DPY19L3: variants seen among roughly 807,000 people sequenced by gnomAD.
DPY19L3 encodes protein C-mannosyl-transferase DPY19L3.
A neutral mutation model predicts 92.3 loss-of-function variants in DPY19L3; 51 were observed. The ratio of observed to expected loss-of-function variants is 0.55; its 90% CI spans 0.44 to 0.70. The LOEUF (loss-of-function observed/expected upper bound fraction) is 0.70. DPY19L3 is among the 30% of genes least tolerant of loss of function. DPY19L3 has a pLI of 0.00. For missense variants in DPY19L3, 706 were observed against 855.9 expected (o/e 0.82, Z 2.18); for synonymous variants, 309 against 315.2 (o/e 0.98, Z 0.21).
At chr19:32,454,602 T>C (rs1218520226) in intron 9 of DPY19L3, among the ~76,000 whole-genome samples, 1 of 151,992 alleles carries the variant, frequency 6.6e-6, no homozygotes, top group Non-Finnish European at 1.5e-5. Context: ...GAAAAAGATG[T>C]AACAGTTTGT....
chr19:32,411,242 G>A lies in DPY19L3; in HGVS notation c.107G>A (p.Cys36Tyr). Residue 36 changes from cysteine to tyrosine, a missense_variant, in exon 3 of 19, where the codon TGT becomes TAT. Transcript: ENST00000392250. ...ATCTGTTCCATTTTTCCAAAAGGTT[G>A]TACCAGTAGAAGATTATGGAAGATT... ...VKLENKLPSG[C>Y]TSRRLWKILS... 6.2e-7 allele frequency: 1 copy of A among 1,608,984 alleles called. No individual in the cohort carries two copies. Among genetic ancestry groups the A allele is most frequent in the Non-Finnish European group, 8.5e-7 (1 of 1,179,140 alleles).
intron 6 of DPY19L3, 132 bp from the exon 7 acceptor site, chr19:32,438,962 GATGATGATGATAAGGACA>G: frequency 1.3e-6 from 1 of 767,574 alleles, no homozygotes; most frequent in Non-Finnish European, 2.1e-6. Flanking sequence ...TGATGATGAT[GATGATGATGATAAGGACA>G]ATTATTGAGA....
intron 8 of DPY19L3, among the ~76,000 whole-genome samples, chr19:32,448,994 T>C (rs1969608841): frequency 2.0e-5 from 3 of 152,114 alleles, no homozygotes. Context: ...ATACTCTCAC[T>C]TGATATAAAA....
chr19:32,406,625 T>TA (rs1019108206), intron 1 of DPY19L3, among the ~76,000 whole-genome samples: 12 of 152,174 alleles, frequency 7.9e-5, no homozygotes, highest in African/African-American at 2.9e-4. Flanking sequence ...GCGCTGGGAT[T>TA]ACATGAGCCG....
intron 16 of DPY19L3, among the ~76,000 whole-genome samples, chr19:32,476,753 A>G (rs1045504697): frequency 1.3e-5 from 2 of 152,256 alleles, no homozygotes; most frequent in African/African-American, 2.4e-5. Flanking sequence ...CTTAAACTGC[A>G]TATAGTTTCT....
At chr19:32,408,519 T>C (rs1213319320) in intron 2 of DPY19L3, among the ~76,000 whole-genome samples, 163 bp downstream of exon 2, 1 of 152,232 alleles carries the variant, frequency 6.6e-6, no homozygotes, top group African/African-American at 2.4e-5. Flanking sequence ...TTTACAGTTA[T>C]GATTTGACAA....
At chr19:32,434,325 T>C (rs1313533882) in intron 4 of DPY19L3, among the ~76,000 whole-genome samples, 1 of 152,148 alleles carries the variant, frequency 6.6e-6, no homozygotes, top group Admixed American at 6.5e-5. Context: ...TTTTATGCCA[T>C]GTCCTTTGCA....
At chr19:32,445,098 A>C (rs1969446788) in intron 8 of DPY19L3, among the ~76,000 whole-genome samples, 1 of 151,248 alleles carries the variant, frequency 6.6e-6, no homozygotes, top group Non-Finnish European at 1.5e-5. Flanking sequence ...AAAAACAAAA[A>C]ACAATGGAGG....
Position 32,478,617 on chromosome 19 carries a change from G to A in DPY19L3, c.1830+963G>A, listed in dbSNP as rs182908983. Among the ~76,000 whole-genome samples the A allele has an allele frequency of 2.0e-4, 31 of 152,230 alleles. No homozygotes were observed. In the East Asian group the frequency reaches 3.5e-3, roughly 17 times the overall value. On this transcript the variant is annotated intron_variant, in intron 17 of 18. Transcript: ENST00000392250. ...GTATTTCACGCATATACAAATATGC[G>A]GGGAGGGTGGTGCCCCTTTCTCCAT...
At chr19:32,481,820 C>T in intron 18 of DPY19L3, 2 of 424,666 alleles carry the variant, frequency 4.7e-6, no homozygotes, top group East Asian at 8.1e-5. Context: ...TGAGAGCAAG[C>T]AGACCTGAGT....
At chr19:32,430,865 C>T (rs1293923878) in intron 3 of DPY19L3, among the ~76,000 whole-genome samples, 1 of 150,134 alleles carries the variant, frequency 6.7e-6, no homozygotes, top group Non-Finnish European at 1.5e-5. Flanking sequence ...TGAGCTCAAG[C>T]AATCCACCCA....
At chr19:32,430,158 G>A (rs1378820495) in intron 3 of DPY19L3, among the ~76,000 whole-genome samples, 1 of 152,194 alleles carries the variant, frequency 6.6e-6, no homozygotes, top group African/African-American at 2.4e-5. Context: ...GGAGGCCACG[G>A]CAGGAGGATC....
At chr19:32,457,863 A>G (rs1403740141) in intron 10 of DPY19L3, among the ~76,000 whole-genome samples, 1 of 152,224 alleles carries the variant, frequency 6.6e-6, no homozygotes, top group Non-Finnish European at 1.5e-5. Flanking sequence ...TAACTTATGT[A>G]TAAGATGTTT....
Position 32,437,122 on chromosome 19 carries a change from G to C in DPY19L3, c.451-72G>C. The stretch of plus-strand genomic sequence containing the variant: ...AGCTCCTGCATATTGTATTCCTACT[G>C]TCATGTTTTAAATGGCACTGAGGAG... On this transcript the variant is annotated intron_variant, in intron 5 of 18. Transcript: ENST00000392250. 3.2e-6 allele frequency: 5 copies of C among 1,575,902 alleles called. No homozygotes were observed. The South Asian group carries it at 4.6e-5, about 14-fold the overall frequency.
chr19:32,447,307 C>T (rs77848780), intron 8 of DPY19L3, among the ~76,000 whole-genome samples: 2,030 of 152,228 alleles, frequency 0.013, 55 homozygotes, highest in African/African-American at 0.046. Context: ...AGTCTGAAAT[C>T]GGTCATCCAA....
At chr19:32,435,978 G>T (rs1409719331) in intron 4 of DPY19L3, among the ~76,000 whole-genome samples, 3 of 152,242 alleles carry the variant, frequency 2.0e-5, no homozygotes, top group Non-Finnish European at 2.9e-5. Context: ...GCAAGAGCTG[G>T]TAGAAACATG....
chr19:32,407,264 T>TCCCCCCCCCCCCCCTTTCCCC (rs148363125), intron 1 of DPY19L3, among the ~76,000 whole-genome samples: 1 of 81,320 alleles, frequency 1.2e-5, no homozygotes. Flanking sequence ...AGGCTCCTGC[T>TCCCCCCCCCCCCCCTTTCCCC]CCCCCCCACC....
At chr19:32,421,627 C>CA (rs869206912) in intron 3 of DPY19L3, among the ~76,000 whole-genome samples, 1,330 of 58,750 alleles carry the variant, frequency 0.023, 17 homozygotes, top group South Asian at 0.057. Context: ...GACTTCATCT[C>CA]AAAAAAAAAA....
intron 2 of DPY19L3, 56 bp downstream of exon 2, chr19:32,408,412 A>G (rs1968058828): frequency 6.2e-6 from 8 of 1,299,758 alleles, no homozygotes; most frequent in Non-Finnish European, 8.8e-6. Flanking sequence ...TGCATATTAA[A>G]ATGTCACTCT....
Sources: gnomAD v4.1 joint callset for allele counts (sites outside exome capture counted in the v4.1 genomes callset) on GRCh38, gnomAD v4.1.1 for gene constraint, MANE v1.5 for transcripts, NCBI Gene and HGNC (gene_info 2026-07-23, HGNC 2026-07-21) for gene names.